The following TMTC2 variants were observed in gnomAD, a reference collection of about 807,000 sequenced individuals.
TMTC2 encodes protein O-mannosyl-transferase TMTC2.
In TMTC2, 43 loss-of-function variants were observed where a neutral mutation model predicts 82.4. The ratio of observed to expected loss-of-function variants is 0.52; its 90% CI spans 0.41 to 0.67. The LOEUF is 0.67. Among genes scored for constraint, TMTC2 ranks in the 30% least tolerant of loss-of-function variants. The probability of loss-of-function intolerance (pLI) is 0.00; values close to 1 mark genes in which losing one functional copy is unlikely to be tolerated. For synonymous variants in TMTC2, 408 were observed against 381.9 expected, an observed-to-expected ratio of 1.07 and a Z score of -0.80; for missense variants, 919 against 1,012.4, an observed-to-expected ratio of 0.91 and a Z score of 1.25.
intron 1 of TMTC2, among the ~76,000 whole-genome samples, chr12:82,782,856 G>C (rs1481797386): frequency 6.6e-6 from 1 of 152,106 alleles, no homozygotes; most frequent in Non-Finnish European, 1.5e-5. Context: ...TTTTGATAAT[G>C]TGACATTTAT....
intron 10 of TMTC2, among the ~76,000 whole-genome samples, chr12:83,061,384 C>T (rs1312492244): frequency 1.3e-5 from 2 of 151,598 alleles, no homozygotes; most frequent in South Asian, 2.1e-4. Context: ...TTTTATAAAA[C>T]GAAAGCAATA....
Position 83,071,618 on chromosome 12 carries a change from G to C in TMTC2, c.2331+9787G>C, listed in dbSNP as rs537663394. Reference sequence around the variant, plus strand: ...TCTGGTAGAATTCTGCTGTGAATCTGTCTGGTCCTGGATATTTTTGTTGTT... The same window carrying C: ...TCTGGTAGAATTCTGCTGTGAATCTCTCTGGTCCTGGATATTTTTGTTGTT... On this transcript the variant is annotated intron_variant, in intron 11 of 11. Transcript: ENST00000321196. 5.1e-4 allele frequency among the ~76,000 whole-genome samples: 78 copies of C among 152,248 alleles called. 1 individual carries two copies. Among genetic ancestry groups the C allele is most frequent in the Non-Finnish European group, 9.6e-4 (65 of 68,018 alleles).
chr12:83,116,423 A>G (rs1184722825), intron 11 of TMTC2, among the ~76,000 whole-genome samples: 1 of 152,094 alleles, frequency 6.6e-6, no homozygotes, highest in African/African-American at 2.4e-5. Flanking sequence ...TTTTCCATAT[A>G]ATGATTTCTT....
chr12:82,806,893 C>G (rs1879270738), intron 1 of TMTC2, among the ~76,000 whole-genome samples: 1 of 152,022 alleles, frequency 6.6e-6, no homozygotes, highest in Non-Finnish European at 1.5e-5. Flanking sequence ...GTTTGTTGTT[C>G]AGGGTCAGCT....
intron 1 of TMTC2, among the ~76,000 whole-genome samples, chr12:82,856,471 ACT>A (rs936034238): frequency 4.9e-4 from 74 of 151,544 alleles, no homozygotes; most frequent in East Asian, 9.8e-4. Context: ...TGGAATGTGG[ACT>A]CTCTCTCTGG....
At chr12:82,876,151 G>GTATTAGTAA (rs1872559005) in intron 2 of TMTC2, among the ~76,000 whole-genome samples, 26 of 147,886 alleles carry the variant, frequency 1.8e-4, no homozygotes, top group African/African-American at 5.1e-4. Flanking sequence ...GGTGGTGGTG[G>GTATTAGTAA]TGGTAGTGGT....
chr12:83,110,733 T>G (rs1441036238), intron 11 of TMTC2, among the ~76,000 whole-genome samples: 4 of 152,244 alleles, frequency 2.6e-5, no homozygotes, highest in Non-Finnish European at 4.4e-5. Flanking sequence ...GTTTACCCAC[T>G]TGGCTGGTTC....
chr12:82,934,180 T>A (rs1195075692), intron 4 of TMTC2, among the ~76,000 whole-genome samples: 2 of 152,178 alleles, frequency 1.3e-5, no homozygotes. Context: ...AGCCAATATA[T>A]GAACCTAAGA....
intron 3 of TMTC2, 67 bp from the exon 4 acceptor site, chr12:82,930,364 G>C: frequency 2.4e-6 from 2 of 819,628 alleles, no homozygotes; most frequent in Non-Finnish European, 3.8e-6. Flanking sequence ...CTTCCTGATG[G>C]CCTGATATTA....
chr12:83,050,115 A>G (rs1882290557), intron 9 of TMTC2, among the ~76,000 whole-genome samples: 1 of 152,176 alleles, frequency 6.6e-6, no homozygotes, highest in Non-Finnish European at 1.5e-5. Flanking sequence ...AAAAACCTGG[A>G]AACTATATGG....
intron 11 of TMTC2, 51 bp downstream of exon 11, chr12:83,061,882 T>G (rs770989893): frequency 4.3e-6 from 6 of 1,394,742 alleles, no homozygotes; most frequent in Non-Finnish European, 4.9e-6. Context: ...ACTCCAAGCA[T>G]ATGATAGGTG....
At chr12:82,806,236 C>G (rs944046332) in intron 1 of TMTC2, among the ~76,000 whole-genome samples, 7 of 151,920 alleles carry the variant, frequency 4.6e-5, no homozygotes, top group Admixed American at 1.3e-4. Flanking sequence ...TGTTTTCTGC[C>G]AACTCTGACA....
chr12:83,080,773 C>A (rs1883438224), intron 11 of TMTC2, among the ~76,000 whole-genome samples: 1 of 152,150 alleles, frequency 6.6e-6, no homozygotes, highest in Admixed American at 6.5e-5. Context: ...AGTATCTAAT[C>A]ATTAATCATT....
In TMTC2 at chr12:82,837,280, A is replaced by G. The variant is rs150097910; in HGVS notation, c.84-19730A>G. Among the ~76,000 whole-genome samples the G allele has an allele frequency of 3.1e-3, 471 of 152,266 alleles. 1 individual carries two copies. The highest frequency in any genetic ancestry group is 4.9e-3 in the Admixed American group (75 of 15,284). On this transcript the variant is annotated intron_variant, in intron 1 of 11. Transcript: ENST00000321196. ...CTAAGGCTGAAGTTCAGGAAATAAG[A>G]TTGGATTTACAAATTAAATGATTTG...
chr12:83,019,449 C>T (rs1880818790), intron 8 of TMTC2, among the ~76,000 whole-genome samples: 3 of 152,266 alleles, frequency 2.0e-5, no homozygotes, highest in African/African-American at 7.2e-5. Context: ...GCATTAGACA[C>T]AATCAACTAC....
chr12:83,085,819 A>G lies in TMTC2; in HGVS notation c.2331+23988A>G, dbSNP rs191862783. Among the ~76,000 whole-genome samples the G allele has an allele frequency of 9.8e-5, 15 of 152,324 alleles. No individual in the cohort carries two copies. In the East Asian group the frequency reaches 2.3e-3, roughly 24 times the overall value. ...GTTTTCTATAATTTTCTTGCTTACA[A>G]TAAATGCTAATAAATTTCCTACCAC... On this transcript the variant is annotated intron_variant, in intron 11 of 11. Transcript: ENST00000321196.
Position 82,737,296 on chromosome 12 carries a change from C to T in TMTC2, c.83+49627C>T, listed in dbSNP as rs573231489. On this transcript the variant is annotated intron_variant, in intron 1 of 11. Coordinates refer to ENST00000321196, the MANE Select transcript of TMTC2 (RefSeq NM_152588.3). ...GATTAATTCCATCCTACATTATGTT[C>T]AGCTAAACAGTCTAACACTTTTTTT... is the stretch of plus-strand genomic sequence containing the variant. Among the ~76,000 whole-genome samples the T allele has an allele frequency of 2.6e-5, 4 of 152,256 alleles. No homozygotes were observed. In the East Asian group the frequency reaches 7.7e-4, roughly 29 times the overall value.
intron 1 of TMTC2, among the ~76,000 whole-genome samples, chr12:82,738,601 T>G (rs1875234576): frequency 6.6e-6 from 1 of 152,272 alleles, no homozygotes; most frequent in South Asian, 2.1e-4. Context: ...ACAGGAAATG[T>G]TCTCCTCTGA....
intron 8 of TMTC2, among the ~76,000 whole-genome samples, chr12:83,008,988 A>G (rs1484137828): frequency 6.6e-6 from 1 of 152,164 alleles, no homozygotes; most frequent in Admixed American, 6.5e-5. Flanking sequence ...GGGAGGAGGA[A>G]CATTCTGTCA....
Sources: gnomAD v4.1 joint callset for allele counts (sites outside exome capture counted in the v4.1 genomes callset) on GRCh38, gnomAD v4.1.1 for gene constraint, MANE v1.5 for transcripts, NCBI Gene and HGNC (gene_info 2026-07-23, HGNC 2026-07-21) for gene names.